Variants in STAT5B observed in about 807,000 individuals in gnomAD.
STAT5B encodes transcription factor STAT5B.
STAT5B carries 21 observed loss-of-function variants against 107.8 expected under a neutral mutation model. That is an observed-to-expected ratio of 0.19 (90% CI 0.14 to 0.28). STAT5B has a LOEUF of 0.28. Among genes scored for constraint, STAT5B ranks in the 10% least tolerant of loss-of-function variants. The pLI is 1.00. For synonymous variants in STAT5B, 325 were observed against 401.7 expected (o/e 0.81, Z 2.28); for missense variants, 565 against 1,008.2 (o/e 0.56, Z 5.95).
At chr17:42,225,347 G>T (rs571615993) in intron 3 of STAT5B, among the ~76,000 whole-genome samples, 2 of 152,094 alleles carry the variant, frequency 1.3e-5, no homozygotes, top group South Asian at 4.1e-4. Context: ...ATCTTAATTT[G>T]CCTAAAGTAT....
At chr17:42,262,239 T>TATCCTCCACCTCCCAGGCTCAAGCA (rs2080604974) in intron 1 of STAT5B, among the ~76,000 whole-genome samples, 1 of 152,114 alleles carries the variant, frequency 6.6e-6, no homozygotes, top group Non-Finnish European at 1.5e-5. Flanking sequence ...CAGCTCACTG[T>TATCCTCCACCTCCCAGGCTCAAGCA]ATCCTCCACC....
chr17:42,278,209 T>C (rs1200470244), upstream of STAT5B, among the ~76,000 whole-genome samples: 23 of 152,226 alleles, frequency 1.5e-4, 1 homozygote, highest in Admixed American at 1.5e-3. Context: ...CATGCCTCTA[T>C]TACAGCACTT....
At chr17:42,265,374 C>CTTTTTTTTTTT (rs1275073687) in intron 1 of STAT5B, among the ~76,000 whole-genome samples, 4 of 99,228 alleles carry the variant, frequency 4.0e-5, no homozygotes, top group African/African-American at 1.5e-4. Context: ...GGTATGTACT[C>CTTTTTTTTTTT]TTCTTTTTTT....
At chr17:42,242,652 C>T (rs192183892) in intron 1 of STAT5B, among the ~76,000 whole-genome samples, 51 of 141,612 alleles carry the variant, frequency 3.6e-4, no homozygotes, top group African/African-American at 1.3e-3. Flanking sequence ...ACTGAAGAGA[C>T]ACAACCAAGA....
At position 42,201,551 on chromosome 17, in the gene STAT5B, CACAA is replaced by C. The variant is rs201167281; in HGVS notation, c.*183_*186del. 40 of 667,508 alleles carry C rather than the reference CACAA, an allele frequency of 6.0e-5. No individual in the cohort carries two copies. The highest frequency in any genetic ancestry group is 2.1e-4 in the South Asian group (13 of 60,496). The allele number at this position is 667,508 out of a possible 1,614,324, so 41.3% of individuals were successfully genotyped here. A position where few individuals can be genotyped will look rare whatever the true frequency, so the allele number is the denominator to read the frequency against. Reference sequence around the variant, plus strand: ...ACACACACACACACACACACACACACACAAACACATACTCGCACTCCCTTCGCTG... The same window carrying C: ...ACACACACACACACACACACACACACACACATACTCGCACTCCCTTCGCTG... On this transcript the variant is annotated 3_prime_UTR_variant, in exon 19 of 19. Coordinates refer to ENST00000293328, the MANE Select transcript of STAT5B (RefSeq NM_012448.4).
intron 1 of STAT5B, among the ~76,000 whole-genome samples, chr17:42,263,497 T>C (rs2080636255): frequency 6.6e-6 from 1 of 152,110 alleles, no homozygotes. Flanking sequence ...TACAAAAGGA[T>C]TCCCTGTATT....
chr17:42,286,832 A>G, the STAT5B span, among the ~76,000 whole-genome samples: 1 of 152,210 alleles, frequency 6.6e-6, no homozygotes, highest in African/African-American at 2.4e-5. Context: ...AGCCACCGAC[A>G]GGCTGCATGA....
chr17:42,283,005 T>A, the STAT5B span, among the ~76,000 whole-genome samples: 1 of 151,600 alleles, frequency 6.6e-6, no homozygotes, highest in Non-Finnish European at 1.5e-5. Context: ...GAAGAAACAA[T>A]GAGAAACAGA....
At chr17:42,216,161 C>A in intron 11 of STAT5B, 55 bp from the exon 12 acceptor site, 1 of 1,436,078 alleles carries the variant, frequency 7.0e-7, no homozygotes, top group South Asian at 1.3e-5. Flanking sequence ...TCTTCTCCTT[C>A]TCTCTTTTTT....
intron 4 of STAT5B, 67 bp from the exon 5 acceptor site, chr17:42,223,623 G>C (rs998853760): frequency 6.5e-5 from 103 of 1,583,290 alleles, no homozygotes; most frequent in Non-Finnish European, 8.5e-5. Flanking sequence ...TTAATCCCCA[G>C]GAAAAGCCAG....
chr17:42,217,602 T>C, intron 9 of STAT5B, 138 bp from the exon 10 acceptor site: 1 of 836,320 alleles, frequency 1.2e-6, no homozygotes, highest in Non-Finnish European at 2.0e-6. Context: ...GTTAGCTACA[T>C]AACACATACA....
At chr17:42,206,711 G>A (rs2080088060) in intron 16 of STAT5B, among the ~76,000 whole-genome samples, 1 of 151,784 alleles carries the variant, frequency 6.6e-6, no homozygotes, top group African/African-American at 2.4e-5. Flanking sequence ...GAGTAGCTGG[G>A]ATTACAGGCA....
intron 1 of STAT5B, among the ~76,000 whole-genome samples, chr17:42,251,242 G>A (rs2080497017): frequency 4.6e-5 from 7 of 152,122 alleles, no homozygotes; most frequent in Admixed American, 2.6e-4. Context: ...GTGAGTGGGA[G>A]GAGAATAACG....
chr17:42,242,239 ACT>A (rs1366260299), intron 1 of STAT5B, among the ~76,000 whole-genome samples: 1 of 152,160 alleles, frequency 6.6e-6, no homozygotes, highest in Non-Finnish European at 1.5e-5. Flanking sequence ...TATATTTAAA[ACT>A]CTCATCTAAA....
intron 13 of STAT5B, among the ~76,000 whole-genome samples, chr17:42,211,248 C>T (rs2080126037): frequency 1.3e-5 from 2 of 151,952 alleles, no homozygotes; most frequent in Non-Finnish European, 2.9e-5. Context: ...GGACTCACGC[C>T]TGTAATCCCA....
intron 12 of STAT5B, 90 bp from the exon 13 acceptor site, chr17:42,212,280 G>C: frequency 1.3e-6 from 2 of 1,596,118 alleles, no homozygotes; most frequent in Admixed American, 3.5e-5. Flanking sequence ...ATGGCTGGGA[G>C]TGGTTACACA....
chr17:42,226,070 G>A (rs1433565013), intron 3 of STAT5B, among the ~76,000 whole-genome samples: 1 of 152,126 alleles, frequency 6.6e-6, no homozygotes, highest in Non-Finnish European at 1.5e-5. Flanking sequence ...AAGTAGCTGG[G>A]ATTACAGTTG....
chr17:42,201,938 CA>C (rs2080047667), intron 18 of STAT5B, 74 bp from the exon 19 acceptor site: 1 of 1,465,720 alleles, frequency 6.8e-7, no homozygotes, highest in African/African-American at 1.4e-5. Flanking sequence ...CACAGGCCAC[CA>C]GGGGAGCAGT....
upstream of STAT5B, among the ~76,000 whole-genome samples, chr17:42,279,588 G>A (rs1598348672): frequency 6.6e-6 from 1 of 152,276 alleles, no homozygotes; most frequent in African/African-American, 2.4e-5. Context: ...GGGAGTTCGA[G>A]ACCAGCCTAA....
Sources: gnomAD v4.1 joint callset for allele counts (sites outside exome capture counted in the v4.1 genomes callset) on GRCh38, gnomAD v4.1.1 for gene constraint, MANE v1.5 for transcripts, NCBI Gene and HGNC (gene_info 2026-07-23, HGNC 2026-07-21) for gene names.